The following FBXL18 variants were observed in gnomAD, a reference collection of about 807,000 sequenced individuals.
FBXL18 encodes F-box and leucine rich repeat protein 18.
A neutral mutation model predicts 46.0 loss-of-function variants in FBXL18; 36 were observed. The observed-to-expected ratio is 0.78, with a 90% CI of 0.60 to 1.03. The LOEUF is 1.03. FBXL18 is among the 50% of genes least tolerant of loss of function. The pLI, the probability that FBXL18 is intolerant of heterozygous loss-of-function variation, is 0.00. For synonymous variants in FBXL18, 557 were observed against 465.3 expected (o/e 1.20, Z -2.54); for missense variants, 977 against 1,004.1 (o/e 0.97, Z 0.36).
rs1200271432 is a variant in FBXL18 at position 5,491,312 on chromosome 7, C to A, written c.1919G>T (p.Cys640Phe). Residue 640 changes from cysteine to phenylalanine, a missense_variant, in exon 4 of 5, where the codon TGC becomes TTC. Transcript: ENST00000382368. Reference protein sequence around the residue: ...PDAVLAFMARCLQVVMCHLFT... With the variant: ...PDAVLAFMARFLQVVMCHLFT... ...CAGGTGGCACATGACAACCTGCAGG[C>A]AGCGAGCCATGAAGGCCAGCACGGC... The A allele has an allele frequency of 5.0e-6, 8 of 1,611,998 alleles. No homozygotes were observed. Among genetic ancestry groups the A allele is most frequent in the Non-Finnish European group, 6.8e-6 (8 of 1,179,614 alleles).
intron 3 of FBXL18, among the ~76,000 whole-genome samples, chr7:5,495,307 C>T (rs1784048184): frequency 6.6e-6 from 1 of 152,112 alleles, no homozygotes; most frequent in Non-Finnish European, 1.5e-5. Context: ...CCGAGGTGTC[C>T]CTAGGGTGGC....
chr7:5,468,049 C>T (rs934382693), intron 4 of FBXL18, among the ~76,000 whole-genome samples: 3 of 150,250 alleles, frequency 2.0e-5, no homozygotes, highest in African/African-American at 7.4e-5. Flanking sequence ...GTGGCACGAT[C>T]TCGGCTCACT....
intron 1 of FBXL18, among the ~76,000 whole-genome samples, chr7:5,511,205 G>A (rs1009389256): frequency 6.6e-6 from 1 of 152,016 alleles, no homozygotes; most frequent in East Asian, 1.9e-4. Flanking sequence ...GGGAAGCCAA[G>A]GCAGGTGGAT....
At chr7:5,474,583 T>C (rs1172138427), downstream of FBXL18, among the ~76,000 whole-genome samples, 2 of 152,150 alleles carry the variant, frequency 1.3e-5, no homozygotes, top group Non-Finnish European at 1.5e-5. Flanking sequence ...CCCAAAGTGC[T>C]GGGATTACAA....
chr7:5,495,885 G>A (rs1164060815), intron 3 of FBXL18: 10 of 478,464 alleles, frequency 2.1e-5, no homozygotes, highest in East Asian at 6.6e-5. Flanking sequence ...CAGAGCAGAC[G>A]TGGTTCTCAG....
chr7:5,495,183 G>A (rs995887626), intron 3 of FBXL18, among the ~76,000 whole-genome samples: 3 of 152,164 alleles, frequency 2.0e-5, no homozygotes, highest in African/African-American at 7.2e-5. Context: ...TGCTCCCTGA[G>A]GGGGCACCTG....
intron 4 of FBXL18, among the ~76,000 whole-genome samples, chr7:5,462,779 A>G (rs1043166851): frequency 4.7e-5 from 7 of 150,502 alleles, no homozygotes; most frequent in South Asian, 2.1e-4. Context: ...GTGAAACCCT[A>G]TCTCTACTAA....
chr7:5,512,412 C>G (rs1784564610), intron 1 of FBXL18, among the ~76,000 whole-genome samples: 1 of 151,398 alleles, frequency 6.6e-6, no homozygotes, highest in Admixed American at 6.6e-5. Context: ...GTCAGGAGTT[C>G]GAGAACAGCC....
chr7:5,470,711 GTCCCCTTCCC>G lies in FBXL18; in HGVS notation c.2000+20510_2000+20519del, dbSNP rs1783414989. On this transcript the variant is annotated intron_variant and NMD_transcript_variant, in intron 4 of 6. Coordinates refer to the FBXL18 transcript ENST00000415009. ...CCCCTCCCCTTCCCGGGGGGGAGAT[GTCCCCTTCCC>G]GGGGGGGAGATGTCCACTTCCTGAG... is the stretch of plus-strand genomic sequence containing the variant. Among the ~76,000 whole-genome samples, 4 of 1,338 alleles carry G rather than the reference GTCCCCTTCCC, an allele frequency of 3.0e-3. 1 individual carries two copies. The highest frequency in any genetic ancestry group is 0.01 in the African/African-American group (2 of 196). The allele number at this position is 1,338 out of a possible 152,430, so 0.9% of individuals were successfully genotyped here.
At chr7:5,500,327 C>T (rs7799622) in intron 3 of FBXL18, among the ~76,000 whole-genome samples, 161 bp downstream of exon 3, 51,235 of 151,856 alleles carry the variant, frequency 0.34, 8,849 homozygotes, top group African/African-American at 0.41. Flanking sequence ...CTCTAGATGC[C>T]GCTCTCCCCA....
At position 5,481,542 on chromosome 7, in the gene FBXL18, C is replaced by T. The variant is rs906344538; in HGVS notation, c.*233G>A. The T allele has an allele frequency of 5.8e-5, 28 of 485,800 alleles. No homozygotes were observed. Among genetic ancestry groups the T allele is most frequent in the African/African-American group, 3.4e-4 (17 of 49,900 alleles). The allele number at this position is 485,800 out of a possible 1,614,324, so 30.1% of individuals were successfully genotyped here. On this transcript the variant is annotated 3_prime_UTR_variant, in exon 5 of 5. Coordinates refer to ENST00000382368, the MANE Select transcript of FBXL18 (RefSeq NM_024963.6). ...GGTTCAGCCAGCCCCCCACATCGAC[C>T]GTCCCCCGAGCCCCCTCATGTCACC... is the stretch of plus-strand genomic sequence containing the variant.
chr7:5,501,022 C>A lies in FBXL18; in HGVS notation c.1247G>T (p.Arg416Leu). 1.9e-6 allele frequency: 3 copies of A among 1,600,012 alleles called. No individual in the cohort carries two copies. Among genetic ancestry groups the A allele is most frequent in the Non-Finnish European group, 2.6e-6 (3 of 1,175,806 alleles). ...CQLLARLRHLRSLSLPVCSVA... is the reference protein window; with the variant it reads ...CQLLARLRHLLSLSLPVCSVA... ...AGAGCAGACAGGCAGGGAGAGGGAGCGCAGGTGACGCAGCCGGGCCAGGAG... is the reference window on the plus strand; with the variant it reads ...AGAGCAGACAGGCAGGGAGAGGGAGAGCAGGTGACGCAGCCGGGCCAGGAG... Residue 416 changes from arginine (R) to leucine (L), a missense_variant, in exon 3 of 5, where the codon CGC becomes CTC. Coordinates refer to ENST00000382368, the MANE Select transcript of FBXL18 (RefSeq NM_024963.6).
chr7:5,490,079 C>T (rs781375248), intron 4 of FBXL18: 7 of 1,359,570 alleles, frequency 5.1e-6, no homozygotes, highest in Non-Finnish European at 6.9e-6. Flanking sequence ...AGCGGCCGAC[C>T]GCAAGGACAA....
chr7:5,511,408 G>A (rs961138650), intron 1 of FBXL18, among the ~76,000 whole-genome samples: 18 of 151,694 alleles, frequency 1.2e-4, no homozygotes, highest in African/African-American at 2.4e-4. Context: ...GAGAAACCCC[G>A]TCTCTACTAA....
rs780034508 is a variant in FBXL18, at chr7:5,490,235, G to A, written c.2000+996C>T. 6.1e-6 allele frequency: 8 copies of A among 1,319,652 alleles called. No homozygotes were observed. In the East Asian group the frequency reaches 3.8e-4, roughly 63 times the overall value. The allele number at this position is 1,319,652 out of a possible 1,614,324, so 81.7% of individuals were successfully genotyped here. On this transcript the variant is annotated intron_variant, in intron 4 of 4. Coordinates refer to ENST00000382368, the MANE Select transcript of FBXL18 (RefSeq NM_024963.6). ...CACCTGCAGGGACACGAACACTCAG[G>A]GCGTTCATGTCCTGCTGCCCCCTTG...
chr7:5,494,662 G>C (rs573780644), intron 3 of FBXL18, among the ~76,000 whole-genome samples: 51 of 152,260 alleles, frequency 3.3e-4, no homozygotes, highest in African/African-American at 1.2e-3. Flanking sequence ...TAAAAAAGAC[G>C]GTGCAGGCGC....
At chr7:5,463,764 G>A (rs1218886824) in intron 4 of FBXL18, among the ~76,000 whole-genome samples, 8 of 88,290 alleles carry the variant, frequency 9.1e-5, no homozygotes, top group South Asian at 4.3e-4. Context: ...TTTTTGAGAC[G>A]GAGTCTCGCT....
chr7:5,506,280 G>C (rs1368515540), intron 1 of FBXL18, among the ~76,000 whole-genome samples: 1 of 135,958 alleles, frequency 7.4e-6, no homozygotes, highest in East Asian at 2.3e-4. Context: ...ACAAGGTCTT[G>C]CTTTGTCACC....
rs1041280830 is a variant in FBXL18 at position 5,483,448 on chromosome 7, GA to G, written c.2001-1518del. On this transcript the variant is annotated intron_variant, in intron 4 of 4. Coordinates refer to ENST00000382368, the MANE Select transcript of FBXL18 (RefSeq NM_024963.6). ...AGAGCGAGACTCCATCTCAAAAAAA[GA>G]AAAAAAAAATCGAGGCTGAGCGCAG... 4.9e-3 allele frequency among the ~76,000 whole-genome samples: 523 copies of G among 106,714 alleles called. 1 individual carries two copies. Among genetic ancestry groups the G allele is most frequent in the African/African-American group, 0.017 (476 of 28,626 alleles). The allele number at this position is 106,714 out of a possible 152,430, so 70.0% of individuals were successfully genotyped here.
Sources: allele counts gnomAD v4.1 joint callset (sites outside exome capture counted in the v4.1 genomes callset), GRCh38; gene constraint gnomAD v4.1.1; transcripts MANE v1.5; gene names NCBI Gene and HGNC (gene_info 2026-07-23, HGNC 2026-07-21).